KCNAB1: variants seen among roughly 807,000 people sequenced by gnomAD.
KCNAB1 encodes the protein voltage-gated potassium channel subunit beta-1.
KCNAB1 carries 35 observed loss-of-function variants against 64.6 expected under a neutral mutation model. That is an observed-to-expected ratio of 0.54 (90% CI 0.41 to 0.72). The LOEUF is 0.72. KCNAB1 is among the 30% of genes least tolerant of loss of function. KCNAB1 has a pLI of 0.00. For synonymous variants in KCNAB1, 177 were observed against 183.8 expected, an observed-to-expected ratio of 0.96 and a Z score of 0.30; for missense variants, 401 against 512.9, an observed-to-expected ratio of 0.78 and a Z score of 2.11.
At chr3:156,461,062 T>G (rs1712869562) in intron 5 of KCNAB1, among the ~76,000 whole-genome samples, 1 of 152,204 alleles carries the variant, frequency 6.6e-6, no homozygotes, top group Non-Finnish European at 1.5e-5. Context: ...CCACCTTATA[T>G]ATGGAAAAAC....
intron 1 of KCNAB1, among the ~76,000 whole-genome samples, chr3:156,258,401 A>T (rs774729507): frequency 6.6e-6 from 1 of 152,172 alleles, no homozygotes; most frequent in Non-Finnish European, 1.5e-5. Flanking sequence ...TTTTTCTATC[A>T]TGTACTGTCA....
chr3:156,447,088 G>A (rs759887378), intron 2 of KCNAB1, among the ~76,000 whole-genome samples: 3 of 152,006 alleles, frequency 2.0e-5, no homozygotes, highest in Non-Finnish European at 2.9e-5. Context: ...CCAGATAAGC[G>A]CCTGGTGAGC....
At chr3:156,313,411 A>T (rs1383844895) in intron 1 of KCNAB1, among the ~76,000 whole-genome samples, 2 of 152,326 alleles carry the variant, frequency 1.3e-5, no homozygotes, top group East Asian at 1.9e-4. Flanking sequence ...ACGGGAGATT[A>T]TCCTGGATTA....
At chr3:156,368,971 T>G (rs1295565118) in intron 1 of KCNAB1, among the ~76,000 whole-genome samples, 2 of 152,198 alleles carry the variant, frequency 1.3e-5, no homozygotes, top group Non-Finnish European at 2.9e-5. Flanking sequence ...AATTTGTATG[T>G]GGTAAAAGGC....
At chr3:156,466,226 A>G (rs1452226912) in intron 7 of KCNAB1, among the ~76,000 whole-genome samples, 1 of 152,110 alleles carries the variant, frequency 6.6e-6, no homozygotes, top group Non-Finnish European at 1.5e-5. Flanking sequence ...TGTAAATGAG[A>G]TCTCATGATA....
chr3:156,170,231 T>C (rs1053213374), intron 1 of KCNAB1, among the ~76,000 whole-genome samples: 4 of 151,994 alleles, frequency 2.6e-5, no homozygotes, highest in African/African-American at 9.7e-5. Flanking sequence ...GTTTTTTTTT[T>C]TTTTTTCCTA....
At chr3:156,283,795 G>A (rs1412663423) in intron 1 of KCNAB1, among the ~76,000 whole-genome samples, 1 of 152,080 alleles carries the variant, frequency 6.6e-6, no homozygotes, top group Admixed American at 6.5e-5. Context: ...CGTAGTTCTG[G>A]AGCCTTGGTT....
chr3:156,334,559 C>T (rs932961020), intron 1 of KCNAB1, among the ~76,000 whole-genome samples: 4 of 152,140 alleles, frequency 2.6e-5, no homozygotes, highest in Non-Finnish European at 5.9e-5. Flanking sequence ...ACAACAGTTC[C>T]AACACATCGT....
At chr3:156,286,645 A>G (rs549085658) in intron 1 of KCNAB1, among the ~76,000 whole-genome samples, 8 of 152,364 alleles carry the variant, frequency 5.3e-5, no homozygotes, top group African/African-American at 1.9e-4. Context: ...AATGTTGGTA[A>G]AAGACATACT....
At chr3:156,151,281 C>T (rs73028525) in intron 1 of KCNAB1, among the ~76,000 whole-genome samples, 5,140 of 152,192 alleles carry the variant, frequency 0.034, 132 homozygotes, top group African/African-American at 0.061. Context: ...ACACTTAGAG[C>T]GAGTGCCTCC....
At chr3:156,431,197 T>C (rs535855256) in intron 2 of KCNAB1, among the ~76,000 whole-genome samples, 294 of 152,336 alleles carry the variant, frequency 1.9e-3, no homozygotes, top group African/African-American at 6.8e-3. Flanking sequence ...CCATAGTTCC[T>C]GTACTCTAAG....
rs553864565 is a variant in KCNAB1, at chr3:156,406,621, C to T, written c.276-14995C>T. On this transcript the variant is annotated intron_variant, in intron 1 of 13. Transcript: ENST00000490337. ...TCCTAGTGATGGGATGCTAATCTCC[C>T]CTTTCTTTCCCCACCCCAGTCAGCA... Among the ~76,000 whole-genome samples, 110 of 152,288 alleles carry T rather than the reference C, an allele frequency of 7.2e-4. 2 individuals are homozygous for T. The highest frequency in any genetic ancestry group is 2.6e-3 in the African/African-American group (108 of 41,552).
intron 13 of KCNAB1, among the ~76,000 whole-genome samples, chr3:156,535,771 C>T (rs1471999010): frequency 6.7e-6 from 1 of 149,602 alleles, no homozygotes; most frequent in Non-Finnish European, 1.5e-5. Context: ...GGCCCTATTG[C>T]CTGGCTTGGA....
intron 8 of KCNAB1, among the ~76,000 whole-genome samples, chr3:156,488,477 G>T (rs1576931227): frequency 6.6e-6 from 1 of 152,074 alleles, no homozygotes; most frequent in East Asian, 1.9e-4. Context: ...TGAGATGGGA[G>T]CCTTCTGTCA....
intron 1 of KCNAB1, among the ~76,000 whole-genome samples, chr3:156,230,839 G>A (rs770089368): frequency 6.6e-6 from 1 of 152,190 alleles, no homozygotes; most frequent in Admixed American, 6.5e-5. Context: ...GTATATATCA[G>A]TAAAAAGGTT....
At chr3:156,140,411 C>T (rs979338185) in intron 1 of KCNAB1, among the ~76,000 whole-genome samples, 10 of 152,146 alleles carry the variant, frequency 6.6e-5, no homozygotes, top group African/African-American at 2.4e-4. Context: ...GGGTCAGGTT[C>T]TTGGTAAGGG....
At chr3:156,132,459 T>G (rs915048615) in intron 1 of KCNAB1, among the ~76,000 whole-genome samples, 1 of 152,224 alleles carries the variant, frequency 6.6e-6, no homozygotes, top group Non-Finnish European at 1.5e-5. Context: ...GAGACTCACT[T>G]ACGGCTGGAT....
chr3:156,476,437 G>A (rs1415390979), intron 8 of KCNAB1, among the ~76,000 whole-genome samples: 1 of 151,866 alleles, frequency 6.6e-6, no homozygotes, highest in Non-Finnish European at 1.5e-5. Context: ...TAGAATAATA[G>A]TCTCCAGTCT....
intron 1 of KCNAB1, among the ~76,000 whole-genome samples, chr3:156,228,346 T>C (rs1716310568): frequency 6.6e-6 from 1 of 152,198 alleles, no homozygotes; most frequent in Non-Finnish European, 1.5e-5. Context: ...AGCCCTACCG[T>C]GTGCTTTGAA....
Sources: gnomAD v4.1 joint callset for allele counts (sites outside exome capture counted in the v4.1 genomes callset) on GRCh38, gnomAD v4.1.1 for gene constraint, MANE v1.5 for transcripts, NCBI Gene and HGNC (gene_info 2026-07-23, HGNC 2026-07-21) for gene names.